RADIL: variants seen among roughly 807,000 people sequenced by gnomAD.
The protein encoded by RADIL is Rap associating with DIL domain, also known as ras-associating and dilute domain-containing protein.
RADIL carries 99 observed loss-of-function variants against 97.6 expected under a neutral mutation model. The ratio of observed to expected loss-of-function variants is 1.01; its 90% CI spans 0.86 to 1.20. RADIL has a LOEUF of 1.20. RADIL is among the 50% of genes most tolerant of loss of function. The probability of loss-of-function intolerance (pLI) is 0.00; values close to 1 mark genes in which losing one functional copy is unlikely to be tolerated. For synonymous variants in RADIL, 803 were observed against 691.8 expected, an observed-to-expected ratio of 1.16 and a Z score of -2.52; for missense variants, 1,765 against 1,498.9, an observed-to-expected ratio of 1.18 and a Z score of -2.93.
intron 2 of RADIL, among the ~76,000 whole-genome samples, chr7:4,848,239 G>C (rs534182017): frequency 5.4e-5 from 8 of 149,202 alleles, no homozygotes; most frequent in Non-Finnish European, 8.9e-5. Context: ...AAATTGCTAA[G>C]ACTGGACTGT....
intron 9 of RADIL, among the ~76,000 whole-genome samples, chr7:4,810,086 C>G (rs1390288227): frequency 6.6e-6 from 1 of 152,204 alleles, no homozygotes; most frequent in Non-Finnish European, 1.5e-5. Context: ...CTCCTGACCT[C>G]AGGTGATCCA....
Position 4,817,222 on chromosome 7 carries a change from A to T in RADIL, c.1728+17T>A. ...CCAGGAGCTGCCTGAGTGCAGAAGC[A>T]GAGCCCGTCCGTGCACCTTGGAGAC... On this transcript the variant is annotated intron_variant, in intron 7 of 14. Transcript: ENST00000399583. The surrounding 1 kb of genome is among the most constrained non-coding windows in gnomAD (Gnocchi z 8.3). 1.9e-6 allele frequency: 3 copies of T among 1,599,110 alleles called. No homozygotes were observed. Among genetic ancestry groups the T allele is most frequent in the Non-Finnish European group, 2.6e-6 (3 of 1,170,218 alleles).
intron 2 of RADIL, among the ~76,000 whole-genome samples, chr7:4,862,908 AT>A (rs1784051827): frequency 6.7e-6 from 1 of 149,274 alleles, no homozygotes; most frequent in African/African-American, 2.5e-5. Flanking sequence ...AAAAAAAAAA[AT>A]AAAATTAAAA....
intron 9 of RADIL, among the ~76,000 whole-genome samples, chr7:4,806,794 C>T (rs528833992): frequency 6.6e-6 from 1 of 152,348 alleles, no homozygotes; most frequent in East Asian, 1.9e-4. Context: ...TGGCACAGAA[C>T]TCCAGGCGGG....
rs773552771 is a variant in RADIL, at chr7:4,816,353, G to A, written c.1841C>T (p.Ser614Phe). 6.2e-7 allele frequency: 1 copy of A among 1,611,982 alleles called. No homozygotes were observed. Among genetic ancestry groups the A allele is most frequent in the South Asian group, 1.1e-5 (1 of 90,940 alleles). ...ELPEELRRVVSVYQAALDLLR... is the reference protein window; with the variant it reads ...ELPEELRRVVFVYQAALDLLR... ...GAGGTCCAGGGCTGCCTGGTACACA[G>A]ACACCACGCGGCGCAGCTCCTCGGG... Residue 614 changes from serine (S) to phenylalanine (F), a missense_variant, in exon 8 of 15, where the codon TCT becomes TTT. Physicochemically the swap from Ser to Phe is radical, Grantham distance 155. Transcript: ENST00000399583.
In RADIL at chr7:4,834,711, A is replaced by AG; in HGVS notation, c.1311dup (p.Phe438LeufsTer61). 7.1e-7 allele frequency: 1 copy of AG among 1,409,580 alleles called. No homozygotes were observed. The highest frequency in any genetic ancestry group is 9.3e-7 in the Non-Finnish European group (1 of 1,075,368). 87.3% of individuals were successfully genotyped at this position (1,409,580 alleles called of 1,614,324 possible). ...TGCTGGATGCAGAGGCACAGGAGGA[A>AG]GGCGGGGGTCAGCTTGTGGTCGTCG... On this transcript the variant is annotated frameshift_variant, in exon 4 of 15. Transcript: ENST00000399583. LOFTEE classifies it high-confidence loss of function. This position sits in a 1 kb window ranked among gnomAD's most constrained non-coding sequence, Gnocchi z 6.0.
chr7:4,804,428 CTGTTT>C (rs1244003910), intron 10 of RADIL, among the ~76,000 whole-genome samples: 1 of 152,248 alleles, frequency 6.6e-6, no homozygotes, highest in African/African-American at 2.4e-5. Flanking sequence ...ATCCCGTACT[CTGTTT>C]TGTTGAGGTG....
Position 4,878,218 on chromosome 7 carries a change from G to A in RADIL, c.-64-15C>T, listed in dbSNP as rs1784414117. On this transcript the variant is annotated splice_polypyrimidine_tract_variant and intron_variant, in intron 1 of 14. Transcript: ENST00000399583. This position sits in a 1 kb window ranked among gnomAD's most constrained non-coding sequence, Gnocchi z 4.1. ...GAGGCCGTGACCTGGGTGAAAAAGT[G>A]AGAGAGGTTAGCGCCAACCATCGTG... The A allele has an allele frequency of 7.1e-7, 1 of 1,403,854 alleles. No homozygotes were observed. The highest frequency in any genetic ancestry group is 9.4e-7 in the Non-Finnish European group (1 of 1,062,128). 87.0% of individuals were successfully genotyped at this position (1,403,854 alleles called of 1,614,324 possible).
intron 13 of RADIL, 73 bp downstream of exon 13, chr7:4,800,098 C>CGGCCAGGCTTGCATGAACAGGCGG (rs538479195): frequency 0.016 from 24,361 of 1,518,122 alleles, 268 homozygotes; most frequent in Non-Finnish European, 0.018. Flanking sequence ...ACGCAAGCTG[C>CGGCCAGGCTTGCATGAACAGGCGG]GGCCAGGCTT....
At chr7:4,868,313 C>T (rs545721278) in intron 2 of RADIL, among the ~76,000 whole-genome samples, 28 of 152,354 alleles carry the variant, frequency 1.8e-4, no homozygotes, top group East Asian at 1.3e-3. Flanking sequence ...CCGCCCGCCT[C>T]GGCCTCCCAA....
chr7:4,805,967 G>A (rs781204630), intron 9 of RADIL: 51 of 985,394 alleles, frequency 5.2e-5, no homozygotes, highest in Admixed American at 1.2e-4. Context: ...ACCCACCCCC[G>A]TCTCAAGCAA....
intron 13 of RADIL, among the ~76,000 whole-genome samples, 181 bp downstream of exon 13, chr7:4,799,990 C>A (rs1347209364): frequency 6.6e-6 from 1 of 151,894 alleles, no homozygotes; most frequent in Non-Finnish European, 1.5e-5. Flanking sequence ...AGACAGCAGG[C>A]CCAGGGGGCG....
At position 4,801,839 on chromosome 7, in the gene RADIL, T is replaced by C. The variant is rs414035; in HGVS notation, c.2656A>G (p.Ser886Gly). 0.99 allele frequency: 1,590,782 copies of C among 1,602,698 alleles called. 789,508 individuals are homozygous for C. Among genetic ancestry groups the C allele is most frequent in the East Asian group, 1 (44,420 of 44,420 alleles). Residue 886 changes from serine (S) to glycine (G), a missense_variant, in exon 12 of 15, where the codon AGC becomes GGC. By Grantham distance (56) the Ser-to-Gly change is moderately conservative (BLOSUM62 0). Coordinates refer to ENST00000399583, the MANE Select transcript of RADIL (RefSeq NM_018059.5). ...WAQAPPGRQP[S>G]RGGSQAGPPH... ...GGGCCAGCCTGGGAGCCCCCACGGCTGGGTTGCCTTCCAGGGGGGGCCTGT... is the reference window on the plus strand; with the variant it reads ...GGGCCAGCCTGGGAGCCCCCACGGCCGGGTTGCCTTCCAGGGGGGGCCTGT...
chr7:4,857,945 C>G (rs1387806118), intron 2 of RADIL: 1 of 152,582 alleles, frequency 6.6e-6, no homozygotes, highest in African/African-American at 2.4e-5. Context: ...AAAACAGACA[C>G]AGTTACAGGT....
At position 4,840,795 on chromosome 7, in the gene RADIL, C is replaced by T. The variant is rs1478777661; in HGVS notation, c.536-4190G>A. Among the ~76,000 whole-genome samples the T allele has an allele frequency of 6.6e-6, 1 of 152,098 alleles. No individual in the cohort carries two copies. The highest frequency in any genetic ancestry group is 1.5e-5 in the Non-Finnish European group (1 of 68,030). On this transcript the variant is annotated intron_variant, in intron 2 of 14. Transcript: ENST00000399583. The surrounding 1 kb of genome is among the most constrained non-coding windows in gnomAD (Gnocchi z 5.6). ...CATCCTGGCCAACATGGTGAAACCC[C>T]GTCTGTACTAAAAATACAAAACTTA...
rs1028724243 is a variant in RADIL at position 4,879,783 on chromosome 7, C to T, written c.-64-1580G>A. Reference sequence around the variant, plus strand: ...TAAACAGTGGAACCGCCCCAGCCTCCAAAGCTGACACTGCGAACTGGCCTC... The same window carrying T: ...TAAACAGTGGAACCGCCCCAGCCTCTAAAGCTGACACTGCGAACTGGCCTC... On this transcript the variant is annotated intron_variant, in intron 1 of 14. Coordinates refer to ENST00000399583, the MANE Select transcript of RADIL (RefSeq NM_018059.5). The surrounding 1 kb of genome is among the most constrained non-coding windows in gnomAD (Gnocchi z 4.1). Among the ~76,000 whole-genome samples, 19 of 152,198 alleles carry T rather than the reference C, an allele frequency of 1.2e-4. No homozygotes were observed. The highest frequency in any genetic ancestry group is 2.5e-4 in the Non-Finnish European group (17 of 68,036).
chr7:4,823,318 A>G (rs564367472), intron 5 of RADIL, among the ~76,000 whole-genome samples: 1 of 150,488 alleles, frequency 6.6e-6, no homozygotes, highest in East Asian at 1.9e-4. Flanking sequence ...TAGTCTGGCT[A>G]ATTATTAAAA....
At chr7:4,809,794 C>T (rs186261337) in intron 9 of RADIL, among the ~76,000 whole-genome samples, 160 of 151,776 alleles carry the variant, frequency 1.1e-3, no homozygotes, top group Non-Finnish European at 1.0e-3. Context: ...GTGATTCATA[C>T]GTCTCAGCCT....
chr7:4,876,078 T>C (rs1452628511), intron 2 of RADIL, among the ~76,000 whole-genome samples: 3 of 152,288 alleles, frequency 2.0e-5, no homozygotes, highest in African/African-American at 2.4e-5. Flanking sequence ...GGCTGCAGCA[T>C]CTGCGGCTCA....
Sources: gnomAD v4.1 joint callset for allele counts (sites outside exome capture counted in the v4.1 genomes callset) on GRCh38, gnomAD v4.1.1 for gene constraint, Gnocchi (gnomAD v3.1) non-coding constraint, MANE v1.5 for transcripts, NCBI Gene and HGNC (gene_info 2026-07-23, HGNC 2026-07-21) for gene names.